The following FASTKD2 variants were observed in gnomAD, a reference collection of about 807,000 sequenced individuals.
FASTKD2 encodes FAST kinase domains 2.
A neutral mutation model predicts 63.6 loss-of-function variants in FASTKD2; 51 were observed. The observed-to-expected ratio is 0.80, with a 90% CI of 0.64 to 1.01. The LOEUF (loss-of-function observed/expected upper bound fraction) is 1.01, where lower values mean the gene tolerates loss of function less well. FASTKD2 is among the 50% of genes least tolerant of loss of function. The probability of loss-of-function intolerance (pLI) is 0.00; values close to 1 mark genes in which losing one functional copy is unlikely to be tolerated. For synonymous variants in FASTKD2, 284 were observed against 293.4 expected (o/e 0.97, Z 0.33); for missense variants, 786 against 831.1 (o/e 0.95, Z 0.67).
intron 2 of FASTKD2, 80 bp from the exon 3 acceptor site, chr2:206,770,011 C>A: frequency 1.2e-6 from 1 of 852,036 alleles, no homozygotes; most frequent in Non-Finnish European, 2.0e-6. Context: ...TTCAGTACAT[C>A]AGTTCAGTGG....
intron 6 of FASTKD2, 136 bp from the exon 7 acceptor site, chr2:206,774,089 T>C (rs1689757549): frequency 1.6e-6 from 1 of 621,930 alleles, no homozygotes; most frequent in Non-Finnish European, 2.8e-6. Flanking sequence ...TTCCTTTTCA[T>C]GGAAATATTC....
In FASTKD2 at chr2:206,766,255, G is replaced by C. The variant is rs1689453446; in HGVS notation, c.-50-389G>C. ...AGCCTGGGGGACATAGCAAGACTTT[G>C]TCTCAAAAAAAAAAAAAAAAAAAAA... On this transcript the variant is annotated intron_variant, in intron 1 of 11. Transcript: ENST00000402774. 8.1e-5 allele frequency among the ~76,000 whole-genome samples: 5 copies of C among 61,354 alleles called. No homozygotes were observed. In the Admixed American group the frequency reaches 1.4e-3, roughly 17 times the overall value. 40.3% of individuals were successfully genotyped at this position (61,354 alleles called of 152,430 possible). A position where few individuals can be genotyped will look rare whatever the true frequency, so the allele number is the denominator to read the frequency against.
At chr2:206,791,635 T>C in intron 11 of FASTKD2, 48 bp from the exon 12 acceptor site, 1 of 1,590,282 alleles carries the variant, frequency 6.3e-7, no homozygotes. Context: ...CTAGCTCTTT[T>C]GTTAGTATCG....
intron 10 of FASTKD2, chr2:206,789,250 C>T (rs900410346): frequency 8.6e-5 from 16 of 185,512 alleles, no homozygotes; most frequent in African/African-American, 2.6e-4. Flanking sequence ...AATAAAGACT[C>T]GAGGCTTCTA....
rs186779655 is a variant in FASTKD2, at chr2:206,767,451, C to T, written c.758C>T (p.Thr253Ile). ...CCTCAGAACACTATTTTGGTGCAGA[C>T]TTTGCTGAGGGTGACCCAGGTAAAA... ...GIPQNTILVQTLLRVTQERIN... is the reference protein window; with the variant it reads ...GIPQNTILVQILLRVTQERIN... The change falls in exon 2 of 12, where the codon ACT becomes ATT. Residue 253 changes from threonine to isoleucine, a missense_variant. Coordinates refer to ENST00000402774, the MANE Select transcript of FASTKD2 (RefSeq NM_001136193.2). 1 of 1,611,356 alleles carries T rather than the reference C, an allele frequency of 6.2e-7. No homozygotes were observed. The highest frequency in any genetic ancestry group is 2.2e-5 in the East Asian group (1 of 44,880).
At chr2:206,766,527 G>A in intron 1 of FASTKD2, 117 bp from the exon 2 acceptor site, 1 of 646,592 alleles carries the variant, frequency 1.5e-6, no homozygotes, top group South Asian at 1.9e-5. Flanking sequence ...ACTGTTTTAT[G>A]TAAATGTTTA....
chr2:206,765,818 TGG>T (rs1559356428), intron 1 of FASTKD2, 71 bp downstream of exon 1: 1 of 152,812 alleles, frequency 6.5e-6, no homozygotes, highest in African/African-American at 2.4e-5. Context: ...AAGTTGGTTC[TGG>T]GGTCTGGTGA....
At position 206,767,405 on chromosome 2, in the gene FASTKD2, G is replaced by C. The variant is rs368819721; in HGVS notation, c.712G>C (p.Ala238Pro). 6.2e-7 allele frequency: 1 copy of C among 1,613,350 alleles called. No homozygotes were observed. Among genetic ancestry groups the C allele is most frequent in the South Asian group, 1.1e-5 (1 of 91,080 alleles). ...TAAGTACCTACTGTTCAGTCTTCAC[G>C]CCATAGTGAAGCTTGGAATCCCTCA... The part of the protein sequence containing the change: ...QYKYLLFSLH[A>P]IVKLGIPQNT... The change falls in exon 2 of 12, where the codon GCC (alanine) becomes CCC (proline). Residue 238 changes from alanine (A) to proline (P), a missense_variant. Ala to Pro is a conservative substitution (Grantham distance 27). Coordinates refer to ENST00000402774, the MANE Select transcript of FASTKD2 (RefSeq NM_001136193.2).
chr2:206,786,645 G>T (rs1357883686), intron 7 of FASTKD2, 88 bp from the exon 8 acceptor site: 1 of 1,155,814 alleles, frequency 8.7e-7, no homozygotes, highest in African/African-American at 1.5e-5. Flanking sequence ...TACTTGCAAG[G>T]CTGATTTTCT....
At chr2:206,782,504 C>G (rs1294089494) in intron 7 of FASTKD2, among the ~76,000 whole-genome samples, 2 of 152,250 alleles carry the variant, frequency 1.3e-5, no homozygotes, top group African/African-American at 4.8e-5. Context: ...ATTTTAACCA[C>G]AGCCATGCAT....
rs920881819 is a variant in FASTKD2 at position 206,795,142 on chromosome 2, C to T, written c.*3340C>T. Among the ~76,000 whole-genome samples, 1 of 152,238 alleles carries T rather than the reference C, an allele frequency of 6.6e-6. No homozygotes were observed. The highest frequency in any genetic ancestry group is 2.4e-5 in the African/African-American group (1 of 41,462). ...AGGGCCTGAGAGGTGGACCATCAGA[C>T]TCCACCCTGTTTTGCGCTGACTTGT... On this transcript the variant is annotated 3_prime_UTR_variant, in exon 12 of 12. Coordinates refer to ENST00000402774, the MANE Select transcript of FASTKD2 (RefSeq NM_001136193.2).
At chr2:206,773,250 G>A (rs1305300337) in intron 6 of FASTKD2, among the ~76,000 whole-genome samples, 3 of 150,658 alleles carry the variant, frequency 2.0e-5, no homozygotes, top group African/African-American at 7.4e-5. Flanking sequence ...GGGAGGTGGA[G>A]GTTGCAGTAA....
intron 7 of FASTKD2, among the ~76,000 whole-genome samples, chr2:206,775,736 A>T (rs917145001): frequency 2.0e-5 from 3 of 151,984 alleles, no homozygotes; most frequent in Admixed American, 2.0e-4. Context: ...TTCAGCAGTG[A>T]AGCAGTTTGG....
chr2:206,774,091 G>A (rs2105975782), intron 6 of FASTKD2, 134 bp from the exon 7 acceptor site: 1 of 626,674 alleles, frequency 1.6e-6, no homozygotes, highest in Non-Finnish European at 2.8e-6. Context: ...CCTTTTCATG[G>A]AAATATTCTG....
chr2:206,774,427 A>G (rs761459628), intron 7 of FASTKD2, 30 bp downstream of exon 7: 2 of 1,393,014 alleles, frequency 1.4e-6, no homozygotes, highest in Non-Finnish European at 2.0e-6. Flanking sequence ...TACCTTTTTT[A>G]TTGCCATATA....
chr2:206,770,217 T>G, intron 3 of FASTKD2, 23 bp downstream of exon 3: 1 of 1,392,758 alleles, frequency 7.2e-7, no homozygotes, highest in African/African-American at 1.4e-5. Flanking sequence ...TTATGCTTTC[T>G]TCATGTGGTT....
At position 206,784,114 on chromosome 2, in the gene FASTKD2, A is replaced by G. The variant is rs139046737; in HGVS notation, c.1428-2619A>G. On this transcript the variant is annotated intron_variant, in intron 7 of 11. Transcript: ENST00000402774. ...GCAGATATAGCAAGATTAATTAGTC[A>G]CCATTTCCTGAATGCCCATGAATGT... is the stretch of plus-strand genomic sequence containing the variant. 1.1e-4 allele frequency among the ~76,000 whole-genome samples: 17 copies of G among 152,348 alleles called. 1 individual carries two copies. The East Asian group carries it at 3.3e-3, about 29-fold the overall frequency.
intron 7 of FASTKD2, chr2:206,786,486 A>G: frequency 2.2e-6 from 1 of 464,204 alleles, no homozygotes; most frequent in Non-Finnish European, 4.0e-6. Context: ...GAATAATAGT[A>G]ATACCCATGG....
chr2:206,778,044 C>G (rs11900877), intron 7 of FASTKD2, among the ~76,000 whole-genome samples: 1 of 151,722 alleles, frequency 6.6e-6, no homozygotes, highest in African/African-American at 2.4e-5. Flanking sequence ...AATCTTCTTT[C>G]TTTTTTTGTC....
Sources: gnomAD v4.1 joint callset for allele counts (sites outside exome capture counted in the v4.1 genomes callset) on GRCh38, gnomAD v4.1.1 for gene constraint, MANE v1.5 for transcripts, NCBI Gene and HGNC (gene_info 2026-07-23, HGNC 2026-07-21) for gene names.